Variants in SLC24A3 observed in about 807,000 individuals in gnomAD.
SLC24A3 encodes the protein sodium/potassium/calcium exchanger 3.
Under a neutral mutation model 75.8 loss-of-function variants are expected in SLC24A3, and 28 were observed. The observed-to-expected ratio is 0.37, with a 90% CI of 0.27 to 0.51. The LOEUF (loss-of-function observed/expected upper bound fraction) is 0.51. SLC24A3 is among the 20% of genes least tolerant of loss of function. SLC24A3 has a pLI of 0.94. For synonymous variants in SLC24A3, 372 were observed against 334.1 expected, an observed-to-expected ratio of 1.11 and a Z score of -1.24; for missense variants, 663 against 847.8, an observed-to-expected ratio of 0.78 and a Z score of 2.71.
chr20:19,238,788 C>T (rs1230545398), intron 1 of SLC24A3, among the ~76,000 whole-genome samples: 1 of 152,170 alleles, frequency 6.6e-6, no homozygotes, highest in Non-Finnish European at 1.5e-5. Flanking sequence ...ACAAGACACA[C>T]CGAAGACACA....
intron 3 of SLC24A3, among the ~76,000 whole-genome samples, chr20:19,523,124 G>A (rs979474325): frequency 7.9e-5 from 12 of 152,116 alleles, no homozygotes; most frequent in African/African-American, 2.9e-4. Flanking sequence ...ACAAAAATCA[G>A]TAGCATTTCT....
At chr20:19,599,476 C>T (rs2122652042) in intron 6 of SLC24A3, among the ~76,000 whole-genome samples, 2 of 152,208 alleles carry the variant, frequency 1.3e-5, no homozygotes, top group South Asian at 2.1e-4. Context: ...ATCTGGAGGA[C>T]TGCGTGTATG....
chr20:19,525,720 C>T (rs1056648902), intron 3 of SLC24A3, among the ~76,000 whole-genome samples: 2 of 152,096 alleles, frequency 1.3e-5, no homozygotes, highest in East Asian at 1.9e-4. Context: ...CGGGCACCAA[C>T]GGTGCCTGTG....
chr20:19,372,831 C>G (rs1415322907), intron 2 of SLC24A3, among the ~76,000 whole-genome samples: 1 of 152,072 alleles, frequency 6.6e-6, no homozygotes, highest in Admixed American at 6.5e-5. Flanking sequence ...CCGGTACAAC[C>G]AGCACATTTC....
At chr20:19,639,597 G>A (rs887089640) in intron 6 of SLC24A3, among the ~76,000 whole-genome samples, 1 of 152,252 alleles carries the variant, frequency 6.6e-6, no homozygotes, top group African/African-American at 2.4e-5. Flanking sequence ...GCTGCAGGTG[G>A]AGGTGCCTGC....
chr20:19,376,897 G>A (rs922878633), intron 2 of SLC24A3, among the ~76,000 whole-genome samples: 8 of 152,218 alleles, frequency 5.3e-5, no homozygotes, highest in African/African-American at 1.7e-4. Context: ...GAAATGGAGA[G>A]ATAATTAAAT....
At chr20:19,342,621 T>G (rs1266558687) in intron 2 of SLC24A3, among the ~76,000 whole-genome samples, 2 of 152,254 alleles carry the variant, frequency 1.3e-5, no homozygotes, top group African/African-American at 4.8e-5. Context: ...TACCAAATGT[T>G]AAGAAGGAGT....
intron 6 of SLC24A3, among the ~76,000 whole-genome samples, chr20:19,635,587 G>C (rs995212114): frequency 6.6e-6 from 1 of 152,238 alleles, no homozygotes; most frequent in Admixed American, 6.5e-5. Flanking sequence ...GGGATGGCTT[G>C]TGTCTGTTCC....
intron 2 of SLC24A3, among the ~76,000 whole-genome samples, chr20:19,457,279 T>C (rs1429013311): frequency 1.3e-5 from 2 of 152,300 alleles, no homozygotes; most frequent in East Asian, 3.9e-4. Flanking sequence ...CTGCATCTCA[T>C]TTGCTGCATA....
At chr20:19,510,645 G>A (rs62200425) in intron 2 of SLC24A3, among the ~76,000 whole-genome samples, 1,859 of 152,300 alleles carry the variant, frequency 0.012, 19 homozygotes, top group Non-Finnish European at 0.016. Flanking sequence ...TGAGATTAAT[G>A]TCCAAATAAG....
chr20:19,477,148 C>T (rs1244126693), intron 2 of SLC24A3, among the ~76,000 whole-genome samples: 1 of 152,020 alleles, frequency 6.6e-6, no homozygotes, highest in Non-Finnish European at 1.5e-5. Flanking sequence ...GGAAGTACTC[C>T]TTCTTTATAA....
chr20:19,300,279 C>T (rs912110535), intron 2 of SLC24A3, among the ~76,000 whole-genome samples: 6 of 152,170 alleles, frequency 3.9e-5, no homozygotes, highest in Admixed American at 2.6e-4. Flanking sequence ...AAAAACAATA[C>T]AGCTTCCACC....
intron 3 of SLC24A3, among the ~76,000 whole-genome samples, chr20:19,560,052 A>C (rs900429547): frequency 6.6e-6 from 1 of 152,178 alleles, no homozygotes; most frequent in South Asian, 2.1e-4. Context: ...ATTGTCTCTC[A>C]TGACAGTTCA....
chr20:19,698,540 T>C, intron 14 of SLC24A3, 28 bp from the exon 15 acceptor site: 8 of 1,546,540 alleles, frequency 5.2e-6, no homozygotes, highest in Non-Finnish European at 7.0e-6. Context: ...TTCCCTTCCC[T>C]CTCTTAAGTG....
intron 2 of SLC24A3, among the ~76,000 whole-genome samples, chr20:19,456,113 C>T (rs943086801): frequency 5.3e-5 from 8 of 152,092 alleles, no homozygotes; most frequent in African/African-American, 1.2e-4. Flanking sequence ...ATCTGTAACA[C>T]GTTTCTTAAA....
At chr20:19,428,587 A>G in intron 2 of SLC24A3, among the ~76,000 whole-genome samples, 1 of 152,224 alleles carries the variant, frequency 6.6e-6, no homozygotes, top group Non-Finnish European at 1.5e-5. Flanking sequence ...AGTAAGCTAC[A>G]GTGTAATTGC....
chr20:19,497,785 C>A (rs928680042), intron 2 of SLC24A3, among the ~76,000 whole-genome samples: 6 of 152,132 alleles, frequency 3.9e-5, no homozygotes, highest in Non-Finnish European at 8.8e-5. Flanking sequence ...GCAATGGGAA[C>A]AATGATATTA....
intron 11 of SLC24A3, 31 bp downstream of exon 11, chr20:19,684,367 TGGACAG>T: frequency 6.3e-7 from 1 of 1,592,808 alleles, no homozygotes; most frequent in Non-Finnish European, 8.6e-7. Context: ...CACTGCCCAC[TGGACAG>T]GGGTGGGAAA....
At chr20:19,543,972 C>T (rs1480460073) in intron 3 of SLC24A3, among the ~76,000 whole-genome samples, 1 of 152,108 alleles carries the variant, frequency 6.6e-6, no homozygotes, top group Non-Finnish European at 1.5e-5. Flanking sequence ...TGCCTTTATC[C>T]CAAACAGTTT....
Sources: gnomAD v4.1 joint callset for allele counts (sites outside exome capture counted in the v4.1 genomes callset) on GRCh38, gnomAD v4.1.1 for gene constraint, MANE v1.5 for transcripts, NCBI Gene and HGNC (gene_info 2026-07-23, HGNC 2026-07-21) for gene names.